TEK: variants seen among roughly 807,000 people sequenced by gnomAD.
The protein encoded by TEK is angiopoietin-1 receptor.
Under a neutral mutation model 131.8 loss-of-function variants are expected in TEK, and 43 were observed. The ratio of observed to expected loss-of-function variants is 0.33; its 90% CI spans 0.26 to 0.42. The LOEUF is 0.42. TEK is among the 10% of genes least tolerant of loss of function. The probability of loss-of-function intolerance (pLI) is 1.00; values close to 1 mark genes in which losing one functional copy is unlikely to be tolerated. For missense variants in TEK, 1,162 were observed against 1,384.4 expected (o/e 0.84, Z 2.55); for synonymous variants, 580 against 491.6 (o/e 1.18, Z -2.38).
At chr9:27,206,548 C>T in intron 14 of TEK, 34 bp from the exon 15 acceptor site, 1 of 1,597,314 alleles carries the variant, frequency 6.3e-7, no homozygotes, top group Non-Finnish European at 8.5e-7. Context: ...ATGAAAAATC[C>T]TGACACAAAA....
chr9:27,211,692 A>T lies in TEK; in HGVS notation c.2687-1015A>T, dbSNP rs546788849. Among the ~76,000 whole-genome samples, 5 of 151,420 alleles carry T rather than the reference A, an allele frequency of 3.3e-5. No individual in the cohort carries two copies. The East Asian group carries it at 9.7e-4, about 29-fold the overall frequency. ...AGTATACTGCCCAAGCTGGTCTCAA[A>T]CTCCTGGGCTCAAGCAATCCATCTG... On this transcript the variant is annotated intron_variant, in intron 16 of 22. Coordinates refer to ENST00000380036, the MANE Select transcript of TEK (RefSeq NM_000459.5).
chr9:27,184,182 A>C (rs1824506210), intron 8 of TEK, among the ~76,000 whole-genome samples: 1 of 152,042 alleles, frequency 6.6e-6, no homozygotes, highest in Non-Finnish European at 1.5e-5. Context: ...GTTTCTACCC[A>C]CCTCTTCCCT....
intron 9 of TEK, among the ~76,000 whole-genome samples, chr9:27,190,105 C>T (rs1369927949): frequency 1.3e-5 from 2 of 152,112 alleles, no homozygotes; most frequent in Non-Finnish European, 2.9e-5. Context: ...AGAAGAGAGA[C>T]ATCCACAATC....
chr9:27,133,848 C>G (rs929924199), intron 1 of TEK, among the ~76,000 whole-genome samples: 1 of 152,150 alleles, frequency 6.6e-6, no homozygotes, highest in Non-Finnish European at 1.5e-5. Context: ...AAAACGATGC[C>G]TCTGCTTAAA....
intron 1 of TEK, among the ~76,000 whole-genome samples, chr9:27,113,379 A>G (rs1821422705): frequency 6.6e-6 from 1 of 152,112 alleles, no homozygotes; most frequent in Non-Finnish European, 1.5e-5. Context: ...TCATGAGGTC[A>G]AGAGATCAAG....
intron 18 of TEK, among the ~76,000 whole-genome samples, chr9:27,216,041 A>G (rs920169548): frequency 1.3e-5 from 2 of 152,184 alleles, no homozygotes; most frequent in Non-Finnish European, 2.9e-5. Flanking sequence ...GTAATTCACT[A>G]TGGCTGGGGG....
intron 12 of TEK, among the ~76,000 whole-genome samples, chr9:27,200,326 T>C (rs577406128): frequency 2.1e-4 from 32 of 152,244 alleles, no homozygotes; most frequent in Non-Finnish European, 4.0e-4. Flanking sequence ...TCACCTAAAC[T>C]ACATAAGTTT....
intron 1 of TEK, among the ~76,000 whole-genome samples, chr9:27,115,597 T>G (rs556867536): frequency 2.0e-5 from 3 of 152,208 alleles, no homozygotes; most frequent in Non-Finnish European, 4.4e-5. Context: ...ATGAGTAGTA[T>G]TTTGAAAACA....
At chr9:27,159,949 C>T (rs1823482049) in intron 2 of TEK, among the ~76,000 whole-genome samples, 1 of 149,444 alleles carries the variant, frequency 6.7e-6, no homozygotes, top group African/African-American at 2.5e-5. Flanking sequence ...ATCACAACCA[C>T]AGGAGCTGTG....
chr9:27,182,452 G>C (rs528354375), intron 7 of TEK, among the ~76,000 whole-genome samples: 2 of 152,040 alleles, frequency 1.3e-5, no homozygotes, highest in Non-Finnish European at 2.9e-5. Context: ...ATATATCAAG[G>C]AATAACCTTG....
At position 27,158,084 on chromosome 9, in the gene TEK, T is replaced by C. The variant is rs1404497101; in HGVS notation, c.306T>C (p.Cys102=). 6.2e-7 allele frequency: 1 copy of C among 1,614,152 alleles called. No individual in the cohort carries two copies. The highest frequency in any genetic ancestry group is 1.3e-5 in the African/African-American group (1 of 75,022). Residue 102 remains cysteine (C), a synonymous_variant, in exon 2 of 23, where the codon TGT becomes TGC. Coordinates refer to ENST00000380036, the MANE Select transcript of TEK (RefSeq NM_000459.5). ...KASKINGAYF[C]EGRVRGEAIR... Reference sequence around the variant, plus strand: ...GTAAGATCAATGGTGCTTATTTCTGTGAAGGGCGAGTTCGAGGAGAGGCAA... The same window carrying C: ...GTAAGATCAATGGTGCTTATTTCTGCGAAGGGCGAGTTCGAGGAGAGGCAA...
chr9:27,173,044 G>A (rs1824023048), intron 5 of TEK, among the ~76,000 whole-genome samples, 178 bp from the exon 6 acceptor site: 1 of 152,142 alleles, frequency 6.6e-6, no homozygotes. Context: ...TGTCTGCTCT[G>A]TGGGGCAGTT....
chr9:27,228,197 C>A lies in TEK; in HGVS notation c.3201-9C>A. On this transcript the variant is annotated splice_polypyrimidine_tract_variant and intron_variant, in intron 21 of 22. Coordinates refer to ENST00000380036, the MANE Select transcript of TEK (RefSeq NM_000459.5). ...ATAGAATTAACCCTTTAATTCTTTG[C>A]TTTCGAAGGTATGATCTAATGAGAC... 1 of 1,609,316 alleles carries A rather than the reference C, an allele frequency of 6.2e-7. No homozygotes were observed. Among genetic ancestry groups the A allele is most frequent in the Non-Finnish European group, 8.5e-7 (1 of 1,176,130 alleles).
rs1488233535 is a variant in TEK, at chr9:27,180,474, G to A, written c.1030+106G>A. ...ATTCTAAGATCCTCAAGCCTCTTTT[G>A]TTTCCATCCAGAAGTTGGGAATAGT... On this transcript the variant is annotated intron_variant, in intron 7 of 22. Transcript: ENST00000380036. 5 of 1,492,872 alleles carry A rather than the reference G, an allele frequency of 3.3e-6. No individual in the cohort carries two copies. The African/African-American group carries it at 7.0e-5, about 21-fold the overall frequency. The allele number at this position is 1,492,872 out of a possible 1,614,324, so 92.5% of individuals were successfully genotyped here.
chr9:27,205,420 G>A (rs895099911), intron 14 of TEK, among the ~76,000 whole-genome samples: 1 of 152,068 alleles, frequency 6.6e-6, no homozygotes, highest in Non-Finnish European at 1.5e-5. Flanking sequence ...AAGGACAGAG[G>A]GTAACCAGAC....
rs1172273592 is a variant in TEK, at chr9:27,212,681, G to A, written c.2687-26G>A. On this transcript the variant is annotated intron_variant, in intron 16 of 22. Coordinates refer to ENST00000380036, the MANE Select transcript of TEK (RefSeq NM_000459.5). The stretch of plus-strand genomic sequence containing the variant: ...CATAGCTGTTCAGGGCCACTGATGA[G>A]TCGATGCTCTCTTCCTTCCCTCCAG... 1.9e-6 allele frequency: 3 copies of A among 1,613,362 alleles called. No individual in the cohort carries two copies. In the African/African-American group the frequency reaches 4.0e-5, roughly 22 times the overall value.
At chr9:27,229,136 T>C (rs771647056) in intron 22 of TEK, 22 bp from the exon 23 acceptor site, 1 of 1,612,688 alleles carries the variant, frequency 6.2e-7, no homozygotes, top group African/African-American at 1.3e-5. Context: ...CCTATGTCTC[T>C]GAACCATTTT....
chr9:27,120,885 C>A (rs938843677), intron 1 of TEK, among the ~76,000 whole-genome samples: 1 of 152,168 alleles, frequency 6.6e-6, no homozygotes. Context: ...TTGGTACTTG[C>A]CTTTGTCATA....
At chr9:27,156,371 C>G (rs1248811232) in intron 1 of TEK, among the ~76,000 whole-genome samples, 2 of 151,904 alleles carry the variant, frequency 1.3e-5, no homozygotes, top group African/African-American at 4.8e-5. Flanking sequence ...TTATGGTAAT[C>G]TGTATGAATA....
Sources: allele counts gnomAD v4.1 joint callset (sites outside exome capture counted in the v4.1 genomes callset), GRCh38; gene constraint gnomAD v4.1.1; transcripts MANE v1.5; gene names NCBI Gene and HGNC (gene_info 2026-07-23, HGNC 2026-07-21).